Variants in CDKL3 observed in about 807,000 individuals in gnomAD.
CDKL3 encodes cyclin-dependent kinase-like 3.
In CDKL3, 65 loss-of-function variants were observed where a neutral mutation model predicts 69.3. The ratio of observed to expected loss-of-function variants is 0.94; its 90% CI spans 0.77 to 1.15. The LOEUF (loss-of-function observed/expected upper bound fraction) is 1.15, where lower values mean the gene tolerates loss of function less well. Among genes scored for constraint, CDKL3 ranks in the 50% most tolerant of loss-of-function variants. The pLI is 0.00. For synonymous variants in CDKL3, 202 were observed against 221.6 expected, an observed-to-expected ratio of 0.91 and a Z score of 0.79; for missense variants, 652 against 689.2, an observed-to-expected ratio of 0.95 and a Z score of 0.61.
At chr5:134,357,152 T>C (rs184298755) in intron 3 of CDKL3, among the ~76,000 whole-genome samples, 1 of 152,240 alleles carries the variant, frequency 6.6e-6, no homozygotes, top group Admixed American at 6.6e-5. Context: ...ATTATTGTTT[T>C]AAGAAAATGT....
chr5:134,299,373 T>G (rs1482050960), intron 12 of CDKL3: 2 of 495,574 alleles, frequency 4.0e-6, no homozygotes, highest in African/African-American at 4.1e-5. Context: ...AAACCAATGC[T>G]AAGAATGACC....
At chr5:134,289,729 G>C (rs1418866018) in intron 8 of CDKL3, among the ~76,000 whole-genome samples, 1 of 152,184 alleles carries the variant, frequency 6.6e-6, no homozygotes, top group Non-Finnish European at 1.5e-5. Context: ...CCCTCTGGAG[G>C]AGACTATGAT....
At chr5:134,312,994 C>T (rs541133090) in intron 6 of CDKL3, among the ~76,000 whole-genome samples, 34 of 152,166 alleles carry the variant, frequency 2.2e-4, no homozygotes, top group African/African-American at 7.9e-4. Context: ...ATAAATGGAA[C>T]ACATTTCTTT....
intron 3 of CDKL3, among the ~76,000 whole-genome samples, chr5:134,351,148 C>T (rs962058578): frequency 1.3e-5 from 2 of 152,224 alleles, no homozygotes; most frequent in African/African-American, 4.8e-5. Context: ...GCCAACTATT[C>T]CTACATTCCT....
At chr5:134,302,779 A>G (rs1478174496) in intron 11 of CDKL3, 92 bp from the exon 12 acceptor site, 2 of 650,038 alleles carry the variant, frequency 3.1e-6, no homozygotes, top group East Asian at 5.9e-5. Flanking sequence ...GAAATCCACT[A>G]AGTCAGTTTC....
At chr5:134,361,261 T>G (rs192435185) in intron 2 of CDKL3, among the ~76,000 whole-genome samples, 4 of 152,194 alleles carry the variant, frequency 2.6e-5, no homozygotes, top group East Asian at 1.9e-4. Flanking sequence ...TTTTTTGTTT[T>G]TTTTTTTAAG....
At chr5:134,365,009 G>C (rs550722090) in intron 2 of CDKL3, among the ~76,000 whole-genome samples, 4 of 149,648 alleles carry the variant, frequency 2.7e-5, no homozygotes, top group Non-Finnish European at 5.9e-5. Flanking sequence ...TTGAGACAGA[G>C]TCTTGCTCTG....
At chr5:134,291,595 T>G (rs1308249341) in intron 8 of CDKL3, among the ~76,000 whole-genome samples, 3 of 152,130 alleles carry the variant, frequency 2.0e-5, no homozygotes, top group Non-Finnish European at 2.9e-5. Flanking sequence ...GCCAATATGG[T>G]GAAACCTCGT....
chr5:134,297,613 C>A (rs1765424817), downstream of CDKL3, among the ~76,000 whole-genome samples: 1 of 150,448 alleles, frequency 6.6e-6, no homozygotes, highest in South Asian at 2.1e-4. Flanking sequence ...CGGAGTTTCA[C>A]TCTCGTTGCC....
chr5:134,309,877 G>C (rs1386521344), intron 7 of CDKL3, among the ~76,000 whole-genome samples: 3 of 152,136 alleles, frequency 2.0e-5, no homozygotes, highest in Non-Finnish European at 4.4e-5. Context: ...TGTTGCCCAG[G>C]CTGCAGTGCA....
At chr5:134,320,975 T>C (rs992171693) in intron 5 of CDKL3, among the ~76,000 whole-genome samples, 1 of 150,248 alleles carries the variant, frequency 6.7e-6, no homozygotes, top group African/African-American at 2.4e-5. Context: ...AAGCAGATCA[T>C]CAAATAATTA....
At chr5:134,323,999 CA>C (rs1296121145) in intron 4 of CDKL3, among the ~76,000 whole-genome samples, 35 of 152,094 alleles carry the variant, frequency 2.3e-4, no homozygotes, top group Non-Finnish European at 2.6e-4. Context: ...TCTTAAAATT[CA>C]ATAAGAAAAT....
chr5:134,322,928 G>A (rs189600892), intron 4 of CDKL3, among the ~76,000 whole-genome samples: 168 of 151,188 alleles, frequency 1.1e-3, no homozygotes, highest in Middle Eastern at 3.4e-3. Context: ...GTGGTGAGCC[G>A]AGATCATGCC....
In CDKL3 at chr5:134,306,653, G is replaced by A; in HGVS notation, c.1414C>T (p.Gln472Ter). 6.3e-7 allele frequency: 1 copy of A among 1,582,512 alleles called. No individual in the cohort carries two copies. The highest frequency in any genetic ancestry group is 8.5e-7 in the Non-Finnish European group (1 of 1,169,842). ...TCTTGCCTGCTATTAGGCATAACTT[G>A]TCCAATAGATTGTGAAGAAGTGCGT... ...KRRTSSQSIG[Q>*]VMPNSRQEDP... The change falls in exon 10 of 13, where the codon CAA (glutamine) becomes TAA (stop). Residue 472 changes from glutamine (Q) to a stop codon, truncating the protein, a stop_gained. Transcript: ENST00000265334. LOFTEE classifies it high-confidence loss of function.
At chr5:134,310,420 G>A (rs1769124286) in intron 7 of CDKL3, among the ~76,000 whole-genome samples, 2 of 151,862 alleles carry the variant, frequency 1.3e-5, no homozygotes, top group African/African-American at 4.8e-5. Flanking sequence ...TTGATCTCCT[G>A]ACCTCGTGAT....
At chr5:134,318,047 T>G (rs912908401) in intron 6 of CDKL3, among the ~76,000 whole-genome samples, 1 of 151,934 alleles carries the variant, frequency 6.6e-6, no homozygotes, top group Non-Finnish European at 1.5e-5. Context: ...TGGAGAAACC[T>G]CGTCTCTACT....
At chr5:134,359,694 T>C (rs988756420) in intron 3 of CDKL3, among the ~76,000 whole-genome samples, 2 of 152,242 alleles carry the variant, frequency 1.3e-5, no homozygotes, top group African/African-American at 2.4e-5. Context: ...GTCTGCCTTA[T>C]AGTTGGAATT....
chr5:134,367,518 C>T (rs1757745694), upstream of CDKL3, among the ~76,000 whole-genome samples: 1 of 151,992 alleles, frequency 6.6e-6, no homozygotes, highest in African/African-American at 2.4e-5. Context: ...GGATTACAGG[C>T]GTGTGCCACC....
downstream of CDKL3, among the ~76,000 whole-genome samples, chr5:134,297,890 TTGTGTGTGTGTGTGTGTGTGTGTGTGTG>T (rs528154005): frequency 1.9e-5 from 2 of 105,104 alleles, no homozygotes; most frequent in African/African-American, 3.7e-5. Flanking sequence ...CATGAATAGT[TTGTGTGTGTGTGTGTGTGTGTGTGTGTG>T]TGTGTGTGTG....
Sources: gnomAD v4.1 joint callset for allele counts (sites outside exome capture counted in the v4.1 genomes callset) on GRCh38, gnomAD v4.1.1 for gene constraint, MANE v1.5 for transcripts, NCBI Gene and HGNC (gene_info 2026-07-23, HGNC 2026-07-21) for gene names.